ZSCAN25: variants seen among roughly 807,000 people sequenced by gnomAD.
The protein encoded by ZSCAN25 is zinc finger and SCAN domain-containing protein 25.
A neutral mutation model predicts 38.7 loss-of-function variants in ZSCAN25; 27 were observed. That is an observed-to-expected ratio of 0.70 (90% confidence interval 0.51 to 0.96). ZSCAN25 has a LOEUF of 0.96. Among genes scored for constraint, ZSCAN25 ranks in the 40% least tolerant of loss-of-function variants. The pLI, the probability that ZSCAN25 is intolerant of heterozygous loss-of-function variation, is 0.00. For missense variants in ZSCAN25, 637 were observed against 705.9 expected (o/e 0.90, Z 1.11); for synonymous variants, 273 against 277.7 (o/e 0.98, Z 0.17).
At chr7:99,619,010 C>T (rs1032419086) in intron 2 of ZSCAN25, 38 bp from the exon 3 acceptor site, 1 of 152,274 alleles carries the variant, frequency 6.6e-6, no homozygotes, top group African/African-American at 2.4e-5. Context: ...AGTCAGTTGC[C>T]CCCTGTTAAC....
At chr7:99,673,149 T>C in the ZSCAN25 span, among the ~76,000 whole-genome samples, 3 of 152,208 alleles carry the variant, frequency 2.0e-5, no homozygotes, top group South Asian at 6.2e-4. Context: ...GTGGGGCCCA[T>C]GGACATCTAG....
the ZSCAN25 span, among the ~76,000 whole-genome samples, chr7:99,725,298 GA>G: frequency 6.6e-6 from 1 of 152,188 alleles, no homozygotes; most frequent in South Asian, 2.1e-4. Context: ...CCTGACATTA[GA>G]AAAAATCTCC....
At chr7:99,696,073 A>G in the ZSCAN25 span, among the ~76,000 whole-genome samples, 2 of 152,188 alleles carry the variant, frequency 1.3e-5, no homozygotes, top group East Asian at 1.9e-4. Context: ...AGAAGTCTTT[A>G]TGGTCCCAAT....
the ZSCAN25 span, among the ~76,000 whole-genome samples, chr7:99,722,664 T>A: frequency 6.6e-6 from 1 of 152,214 alleles, no homozygotes; most frequent in African/African-American, 2.4e-5. Flanking sequence ...ATCTCATAAA[T>A]CCTTGAATGA....
At chr7:99,716,869 T>G in the ZSCAN25 span, among the ~76,000 whole-genome samples, 2 of 152,168 alleles carry the variant, frequency 1.3e-5, no homozygotes, top group African/African-American at 4.8e-5. Context: ...ACTCCATGCT[T>G]AAAACTTTGA....
At position 99,630,114 on chromosome 7, in the gene ZSCAN25, A is replaced by G; in HGVS notation, c.*94A>G. ...ATGGCTGCAGGAAAGCACTGGTCCC[A>G]TCGCCTTCCCACCCATTCGCCAACG... On this transcript the variant is annotated 3_prime_UTR_variant, in exon 8 of 8. Transcript: ENST00000394152. 8.4e-6 allele frequency: 12 copies of G among 1,433,504 alleles called. No homozygotes were observed. Among genetic ancestry groups the G allele is most frequent in the Non-Finnish European group, 1.1e-5 (12 of 1,095,800 alleles). The allele number at this position is 1,433,504 out of a possible 1,614,324, so 88.8% of individuals were successfully genotyped here.
the ZSCAN25 span, among the ~76,000 whole-genome samples, chr7:99,692,988 G>A: frequency 6.6e-6 from 1 of 152,072 alleles, no homozygotes; most frequent in Non-Finnish European, 1.5e-5. Flanking sequence ...CTGTTTTTTG[G>A]AATTTTCAGC....
At chr7:99,700,792 A>G in the ZSCAN25 span, among the ~76,000 whole-genome samples, 2 of 152,152 alleles carry the variant, frequency 1.3e-5, no homozygotes, top group African/African-American at 2.4e-5. Flanking sequence ...CTTGGGTGAG[A>G]TTGCTGGGCC....
At chr7:99,727,723 C>A in the ZSCAN25 span, among the ~76,000 whole-genome samples, 3 of 152,174 alleles carry the variant, frequency 2.0e-5, no homozygotes, top group African/African-American at 2.4e-5. Context: ...GCTCTGCCCC[C>A]CTCCACTATC....
chr7:99,667,179 T>C, the ZSCAN25 span: 2 of 1,074,566 alleles, frequency 1.9e-6, no homozygotes, highest in Middle Eastern at 2.1e-4. Flanking sequence ...CTGTATATGA[T>C]ATTATGGCAA....
chr7:99,651,509 C>T, the ZSCAN25 span, among the ~76,000 whole-genome samples: 6 of 152,008 alleles, frequency 3.9e-5, no homozygotes, highest in African/African-American at 1.4e-4. Flanking sequence ...GTCCTCTACT[C>T]CAGAAAACAG....
chr7:99,621,566 AGGAGCAAGGTGAGTAAGACGCAGATAGT>A lies in ZSCAN25; in HGVS notation c.584_589+22del, dbSNP rs1562964929. 6.9e-7 allele frequency: 1 copy of A among 1,459,244 alleles called. No individual in the cohort carries two copies. The allele number at this position is 1,459,244 out of a possible 1,614,324, so 90.4% of individuals were successfully genotyped here. On this transcript the variant is annotated splice_donor_variant and splice_donor_5th_base_variant and coding_sequence_variant and intron_variant, in exon 5 of 8. Coordinates refer to ENST00000394152, the MANE Select transcript of ZSCAN25 (RefSeq NM_145115.3). LOFTEE classifies it high-confidence loss of function. ...CCTGGAGATGAGACACGGGCCTTCC[AGGAGCAAGGTGAGTAAGACGCAGATAGT>A]GGGGATGTCAGGTCATAGGAAACAG...
chr7:99,710,256 C>T, the ZSCAN25 span, among the ~76,000 whole-genome samples: 1 of 152,190 alleles, frequency 6.6e-6, no homozygotes, highest in African/African-American at 2.4e-5. Flanking sequence ...GCTCAGAAGT[C>T]AGATACCCTG....
chr7:99,701,757 T>C, the ZSCAN25 span, among the ~76,000 whole-genome samples: 181 of 152,368 alleles, frequency 1.2e-3, no homozygotes, highest in African/African-American at 4.1e-3. Flanking sequence ...GAGAAATGTC[T>C]GTATAAATAT....
chr7:99,662,816 C>G, the ZSCAN25 span: 1 of 1,613,866 alleles, frequency 6.2e-7, no homozygotes, highest in Non-Finnish European at 8.5e-7. The surrounding 1 kb of genome is among the most constrained non-coding windows in gnomAD (Gnocchi z 4.3). Context: ...CCTTGGTTAC[C>G]TTTGTGGGAC....
the ZSCAN25 span, among the ~76,000 whole-genome samples, chr7:99,735,415 A>AGGGTTCT: frequency 6.6e-6 from 1 of 152,150 alleles, no homozygotes; most frequent in African/African-American, 2.4e-5. Context: ...GGGGAGTCCA[A>AGGGTTCT]GGGTTCTGGG....
the ZSCAN25 span, chr7:99,638,438 C>T: frequency 6.4e-7 from 1 of 1,566,738 alleles, no homozygotes; most frequent in South Asian, 1.1e-5. Flanking sequence ...CCCTCATCTC[C>T]CGGTCATTGA....
At chr7:99,660,050 TG>T in the ZSCAN25 span, 1 of 265,960 alleles carries the variant, frequency 3.8e-6, no homozygotes, top group Non-Finnish European at 5.8e-6. Flanking sequence ...TGGCTCAGGC[TG>T]GGTGCACTGC....
the ZSCAN25 span, among the ~76,000 whole-genome samples, chr7:99,723,836 C>T: frequency 6.6e-6 from 1 of 152,194 alleles, no homozygotes. Context: ...TACGTTTTAT[C>T]CATGAACTCA....
Sources: allele counts gnomAD v4.1 joint callset (sites outside exome capture counted in the v4.1 genomes callset), GRCh38; gene constraint gnomAD v4.1.1; non-coding constraint Gnocchi (gnomAD v3.1); transcripts MANE v1.5; gene names NCBI Gene and HGNC (gene_info 2026-07-23, HGNC 2026-07-21).